GPHN: variants seen among roughly 807,000 people sequenced by gnomAD.
The protein encoded by GPHN is gephyrin.
GPHN carries 17 observed loss-of-function variants against 95.5 expected under a neutral mutation model. The observed-to-expected ratio is 0.18, with a 90% CI of 0.12 to 0.27. GPHN has a LOEUF of 0.27. GPHN is among the 10% of genes least tolerant of loss of function. The pLI is 1.00. For synonymous variants in GPHN, 320 were observed against 322.5 expected (o/e 0.99, Z 0.08); for missense variants, 660 against 978.1 (o/e 0.67, Z 4.34).
Position 66,965,908 on chromosome 14 carries a change from G to T in GPHN, c.963+583G>T, listed in dbSNP as rs1457945756. 2.0e-5 allele frequency among the ~76,000 whole-genome samples: 3 copies of T among 151,888 alleles called. No individual in the cohort carries two copies. The East Asian group carries it at 5.8e-4, about 29-fold the overall frequency. On this transcript the variant is annotated intron_variant, in intron 9 of 22. Transcript: ENST00000478722. Reference sequence around the variant, plus strand: ...TTTTTTTATAATCTGTCACTGAATTGTATAGGGTGAGGAAAGGATGAGACA... The same window carrying T: ...TTTTTTTATAATCTGTCACTGAATTTTATAGGGTGAGGAAAGGATGAGACA...
chr14:67,173,090 A>G (rs552723874), intron 21 of GPHN, among the ~76,000 whole-genome samples: 2 of 152,328 alleles, frequency 1.3e-5, no homozygotes, highest in African/African-American at 4.8e-5. Flanking sequence ...AGGGGTACCC[A>G]AAGTCACAGA....
the GPHN span, among the ~76,000 whole-genome samples, chr14:67,287,009 G>C: frequency 6.6e-6 from 1 of 152,136 alleles, no homozygotes; most frequent in African/African-American, 2.4e-5. Context: ...CTTGAGTCCA[G>C]GAGTTCAAGA....
intron 9 of GPHN, among the ~76,000 whole-genome samples, chr14:67,004,992 G>A (rs867214769): frequency 6.6e-6 from 1 of 151,548 alleles, no homozygotes; most frequent in African/African-American, 2.4e-5. Flanking sequence ...TTGGGTGATA[G>A]AGGAGACCCT....
the GPHN span, among the ~76,000 whole-genome samples, chr14:67,602,886 T>A: frequency 3.9e-5 from 6 of 152,252 alleles, no homozygotes; most frequent in Admixed American, 2.0e-4. Context: ...AACACATTTT[T>A]AAAATATTTT....
At chr14:67,283,622 T>G in the GPHN span, among the ~76,000 whole-genome samples, 2 of 152,228 alleles carry the variant, frequency 1.3e-5, no homozygotes. Flanking sequence ...TTCCTGGAAT[T>G]GAAATAATTA....
the GPHN span, among the ~76,000 whole-genome samples, chr14:67,311,383 T>C: frequency 2.4e-3 from 362 of 152,060 alleles, 2 homozygotes; most frequent in African/African-American, 8.3e-3. Context: ...CTTAGACTGT[T>C]TGTCTTTTGC....
intron 1 of GPHN, among the ~76,000 whole-genome samples, chr14:66,583,788 T>G (rs917809574): frequency 9.9e-5 from 15 of 152,114 alleles, no homozygotes; most frequent in South Asian, 4.2e-4. Context: ...GGTTACTGTG[T>G]CCTTGTAGTA....
At chr14:66,917,710 T>A (rs2065989958) in intron 6 of GPHN, among the ~76,000 whole-genome samples, 2 of 152,224 alleles carry the variant, frequency 1.3e-5, no homozygotes, top group Admixed American at 1.3e-4. Context: ...CAAGAGATTG[T>A]GTGTTTAACT....
chr14:66,699,270 C>G (rs1163663391), intron 2 of GPHN, among the ~76,000 whole-genome samples: 3 of 152,136 alleles, frequency 2.0e-5, no homozygotes, highest in East Asian at 3.9e-4. Context: ...TTAATGGGTG[C>G]AGCACACCAA....
chr14:67,581,256 G>A, the GPHN span, among the ~76,000 whole-genome samples: 21,520 of 146,656 alleles, frequency 0.15, 1,940 homozygotes, highest in South Asian at 0.25. Flanking sequence ...CCTATACTGC[G>A]TGTGCGTGTG....
At chr14:67,460,186 A>C in the GPHN span, among the ~76,000 whole-genome samples, 1 of 152,180 alleles carries the variant, frequency 6.6e-6, no homozygotes, top group Non-Finnish European at 1.5e-5. Context: ...AAGTTCATTC[A>C]GCAAAAGGGA....
the GPHN span, among the ~76,000 whole-genome samples, chr14:67,612,255 C>G: frequency 1.3e-5 from 2 of 152,182 alleles, no homozygotes; most frequent in Non-Finnish European, 2.9e-5. Flanking sequence ...CTCTAAAGAC[C>G]CCTTCTCCCA....
chr14:66,987,790 G>A (rs767526484), intron 9 of GPHN, among the ~76,000 whole-genome samples: 6 of 152,000 alleles, frequency 3.9e-5, no homozygotes, highest in African/African-American at 7.2e-5. Context: ...GCATTCTTAC[G>A]TTATAGAAAG....
chr14:66,773,199 A>T (rs1170322015), intron 2 of GPHN, among the ~76,000 whole-genome samples: 2 of 152,178 alleles, frequency 1.3e-5, no homozygotes, highest in Non-Finnish European at 2.9e-5. Context: ...AAAAGATGGC[A>T]GGTAATAAGT....
At chr14:67,348,426 C>T in the GPHN span, among the ~76,000 whole-genome samples, 3 of 151,546 alleles carry the variant, frequency 2.0e-5, no homozygotes, top group African/African-American at 7.3e-5. Flanking sequence ...AGGCTGGTCT[C>T]GAACTCCTGA....
chr14:67,006,132 T>C (rs2153613482), intron 9 of GPHN, among the ~76,000 whole-genome samples: 1 of 152,178 alleles, frequency 6.6e-6, no homozygotes, highest in Admixed American at 6.5e-5. Context: ...TTTTACATCG[T>C]TGCAGAGCAT....
chr14:66,700,569 G>A (rs2068458347), intron 2 of GPHN, among the ~76,000 whole-genome samples: 1 of 152,114 alleles, frequency 6.6e-6, no homozygotes, highest in Admixed American at 6.6e-5. Flanking sequence ...TTCTAAATTA[G>A]CACTTCTGCT....
At chr14:66,668,950 G>A (rs1056739487) in intron 1 of GPHN, among the ~76,000 whole-genome samples, 52 of 149,164 alleles carry the variant, frequency 3.5e-4, no homozygotes, top group East Asian at 6.1e-4. Context: ...GCGTTATCTC[G>A]GCTCCCTGCA....
rs116006659 is a variant in GPHN, at chr14:66,937,872, A to G, written c.828+13580A>G. ...TTTGCCAACCCAAGATTAGTAAACTATGCCCAAGAAACTTCACCATCATCA... is the reference window on the plus strand; with the variant it reads ...TTTGCCAACCCAAGATTAGTAAACTGTGCCCAAGAAACTTCACCATCATCA... On this transcript the variant is annotated intron_variant, in intron 8 of 22. Coordinates refer to ENST00000478722, the MANE Select transcript of GPHN (RefSeq NM_020806.5). Among the ~76,000 whole-genome samples, 1,343 of 152,306 alleles carry G rather than the reference A, an allele frequency of 8.8e-3. 15 individuals are homozygous for G. The highest frequency in any genetic ancestry group is 0.031 in the African/African-American group (1,271 of 41,560).
Sources: gnomAD v4.1 joint callset for allele counts (sites outside exome capture counted in the v4.1 genomes callset) on GRCh38, gnomAD v4.1.1 for gene constraint, MANE v1.5 for transcripts, NCBI Gene and HGNC (gene_info 2026-07-23, HGNC 2026-07-21) for gene names.